Variants in SPMIP2 observed in about 807,000 individuals in gnomAD.
The protein encoded by SPMIP2 is sperm microtubule inner protein 2, also known as protein SPMIP2.
At chr4:159,001,808 T>G in the SPMIP2 span, among the ~76,000 whole-genome samples, 12 of 152,362 alleles carry the variant, frequency 7.9e-5, no homozygotes, top group South Asian at 1.9e-3. Context: ...AATGAACATT[T>G]GTGTGCACGT....
the SPMIP2 span, among the ~76,000 whole-genome samples, chr4:159,071,872 C>T: frequency 6.6e-6 from 1 of 152,318 alleles, no homozygotes; most frequent in Admixed American, 6.5e-5. Flanking sequence ...CAACAGGGAG[C>T]TAGAGTTCTT....
chr4:159,037,434 C>T, the SPMIP2 span, among the ~76,000 whole-genome samples: 7 of 146,640 alleles, frequency 4.8e-5, no homozygotes, highest in Non-Finnish European at 1.0e-4. Flanking sequence ...TTACCTCCTG[C>T]TGTTCCTTCC....
At chr4:158,986,172 G>A in the SPMIP2 span, among the ~76,000 whole-genome samples, 1 of 151,560 alleles carries the variant, frequency 6.6e-6, no homozygotes, top group South Asian at 2.1e-4. Flanking sequence ...ATGCTCATGG[G>A]TAGGAAGAAT....
the SPMIP2 span, among the ~76,000 whole-genome samples, chr4:158,967,667 T>G: frequency 1.4e-4 from 21 of 152,240 alleles, no homozygotes; most frequent in African/African-American, 4.1e-4. Flanking sequence ...CTGGTGGCTA[T>G]TTTTATGATT....
the SPMIP2 span, among the ~76,000 whole-genome samples, chr4:158,966,767 C>G: frequency 6.6e-6 from 1 of 152,138 alleles, no homozygotes; most frequent in Non-Finnish European, 1.5e-5. Flanking sequence ...AAATAATCTA[C>G]CAAGCTTTAC....
the SPMIP2 span, among the ~76,000 whole-genome samples, chr4:158,947,994 T>C: frequency 6.6e-6 from 1 of 152,170 alleles, no homozygotes; most frequent in South Asian, 2.1e-4. Context: ...AATCCCCTTC[T>C]CTCCCTGCTC....
chr4:158,903,825 C>A, the SPMIP2 span, among the ~76,000 whole-genome samples: 1 of 151,730 alleles, frequency 6.6e-6, no homozygotes, highest in Non-Finnish European at 1.5e-5. Flanking sequence ...TTTCATGACA[C>A]CTGGCATCAT....
At chr4:159,000,652 C>T in the SPMIP2 span, among the ~76,000 whole-genome samples, 6 of 151,956 alleles carry the variant, frequency 3.9e-5, no homozygotes, top group Non-Finnish European at 8.8e-5. Flanking sequence ...CGCCACCACG[C>T]CCGGCTAGTT....
the SPMIP2 span, among the ~76,000 whole-genome samples, chr4:158,973,661 T>C: frequency 1.3e-5 from 2 of 152,116 alleles, no homozygotes; most frequent in African/African-American, 4.8e-5. Flanking sequence ...GGCTCTTAAT[T>C]GACCCATTAA....
the SPMIP2 span, among the ~76,000 whole-genome samples, chr4:159,050,188 G>A: frequency 6.7e-6 from 1 of 149,298 alleles, no homozygotes; most frequent in Non-Finnish European, 1.5e-5. Flanking sequence ...TCACTGGGTG[G>A]TACTGCCACC....
the SPMIP2 span, among the ~76,000 whole-genome samples, chr4:159,006,598 C>T: frequency 1.3e-5 from 2 of 152,088 alleles, no homozygotes; most frequent in Admixed American, 6.6e-5. Flanking sequence ...GGTCATATTA[C>T]GGCTTTGAGC....
chr4:158,994,739 G>A, the SPMIP2 span, among the ~76,000 whole-genome samples: 1 of 152,172 alleles, frequency 6.6e-6, no homozygotes, highest in Non-Finnish European at 1.5e-5. Flanking sequence ...GTCAGAGAGC[G>A]ATGGTGGGAT....
At chr4:158,950,201 C>T in the SPMIP2 span, among the ~76,000 whole-genome samples, 6 of 152,220 alleles carry the variant, frequency 3.9e-5, no homozygotes, top group African/African-American at 1.4e-4. Context: ...AGATCAGAGG[C>T]ATGTCATCAT....
the SPMIP2 span, among the ~76,000 whole-genome samples, chr4:158,969,507 A>C: frequency 6.6e-6 from 1 of 152,212 alleles, no homozygotes; most frequent in African/African-American, 2.4e-5. Context: ...AGTCAGTAGG[A>C]AATAGCTAAA....
the SPMIP2 span, among the ~76,000 whole-genome samples, chr4:158,910,850 A>G: frequency 1.3e-5 from 2 of 152,184 alleles, no homozygotes; most frequent in Admixed American, 1.3e-4. Flanking sequence ...ACTCCTAAAA[A>G]TAAACACCCC....
At chr4:159,025,626 GA>G in the SPMIP2 span, among the ~76,000 whole-genome samples, 4 of 150,290 alleles carry the variant, frequency 2.7e-5, no homozygotes, top group South Asian at 2.1e-4. Context: ...GGCTTATTAA[GA>G]AAAAAAAAGA....
the SPMIP2 span, among the ~76,000 whole-genome samples, chr4:158,950,225 GGT>G: frequency 6.6e-6 from 1 of 152,140 alleles, no homozygotes; most frequent in Non-Finnish European, 1.5e-5. Flanking sequence ...TTTCTAGAAT[GGT>G]GTTTGACTGT....
the SPMIP2 span, among the ~76,000 whole-genome samples, chr4:159,019,042 A>G: frequency 7.3e-3 from 1,111 of 152,280 alleles, 15 homozygotes; most frequent in African/African-American, 0.025. Flanking sequence ...GTGAGCCGAG[A>G]TCGCGCCACT....
At chr4:158,973,013 C>A in the SPMIP2 span, 1 of 1,071,056 alleles carries the variant, frequency 9.3e-7, no homozygotes, top group Non-Finnish European at 1.3e-6. Flanking sequence ...CCTTTGGAAG[C>A]AAATTCATAA....
Sources: allele counts gnomAD v4.1 joint callset (sites outside exome capture counted in the v4.1 genomes callset), GRCh38; gene constraint gnomAD v4.1.1; transcripts MANE v1.5; gene names NCBI Gene and HGNC (gene_info 2026-07-23, HGNC 2026-07-21).